The following GALNT17 variants were observed in gnomAD, a reference collection of about 807,000 sequenced individuals.
GALNT17 encodes polypeptide N-acetylgalactosaminyltransferase 17.
Under a neutral mutation model 63.7 loss-of-function variants are expected in GALNT17, and 29 were observed. The observed-to-expected ratio is 0.46, with a 90% confidence interval of 0.34 to 0.62. GALNT17 has a LOEUF of 0.62. Ranked by LOEUF, GALNT17 falls within the 20% of genes least tolerant of loss-of-function variation. The probability of loss-of-function intolerance (pLI) is 0.01; values close to 1 mark genes in which losing one functional copy is unlikely to be tolerated. For synonymous variants in GALNT17, 305 were observed against 318.3 expected, an observed-to-expected ratio of 0.96 and a Z score of 0.45; for missense variants, 603 against 799.6, an observed-to-expected ratio of 0.75 and a Z score of 2.97.
At chr7:71,436,725 A>T (rs1378950152) in intron 5 of GALNT17, among the ~76,000 whole-genome samples, 1 of 151,130 alleles carries the variant, frequency 6.6e-6, no homozygotes, top group Non-Finnish European at 1.5e-5. Context: ...TCTCAAAAAA[A>T]AAATAAAAAA....
chr7:71,670,096 T>A lies in GALNT17; in HGVS notation c.1391T>A (p.Val464Asp). The A allele has an allele frequency of 6.2e-7, 1 of 1,614,086 alleles. No homozygotes were observed. Among genetic ancestry groups the A allele is most frequent in the Non-Finnish European group, 8.5e-7 (1 of 1,179,980 alleles). The change falls in exon 8 of 11, where the codon GTT (valine) becomes GAT (aspartate). Residue 464 changes from valine to aspartate, a missense_variant. By Grantham distance (152) the Val-to-Asp change is radical (BLOSUM62 -3). Coordinates refer to ENST00000333538, the MANE Select transcript of GALNT17 (RefSeq NM_022479.3). ...YPEMRRYNNT[V>D]AYGELRNNKA... ...GAAATGAGAAGATACAATAATACCG[T>A]TGCTTACGGGGAGGTAATTCAGACC...
intron 6 of GALNT17, among the ~76,000 whole-genome samples, chr7:71,584,169 T>C (rs150190971): frequency 6.6e-6 from 1 of 152,200 alleles, no homozygotes; most frequent in Non-Finnish European, 1.5e-5. Flanking sequence ...TTCTTAGAGT[T>C]TCTTAAATTC....
intron 6 of GALNT17, among the ~76,000 whole-genome samples, chr7:71,585,515 C>T (rs1789702250): frequency 6.6e-6 from 1 of 152,116 alleles, no homozygotes; most frequent in African/African-American, 2.4e-5. Context: ...AGGATAAATG[C>T]TTGATTTCTT....
intron 7 of GALNT17, among the ~76,000 whole-genome samples, chr7:71,665,928 T>C (rs1036319870): frequency 6.6e-6 from 1 of 152,108 alleles, no homozygotes; most frequent in Non-Finnish European, 1.5e-5. Context: ...CAGCAGACTC[T>C]TCATCCTGCC....
intron 6 of GALNT17, among the ~76,000 whole-genome samples, chr7:71,642,663 C>G (rs1348906829): frequency 6.6e-6 from 1 of 152,046 alleles, no homozygotes; most frequent in Non-Finnish European, 1.5e-5. Flanking sequence ...TGGTGAAATC[C>G]CGTCTCTACT....
rs371907289 is a variant in GALNT17, at chr7:71,507,920, A to G, written c.963-63365A>G. ...TTTGTTAAGCTTGTGTGACAGAATA[A>G]TCTCCTTTGTTCAATGCCCGAGGAG... On this transcript the variant is annotated intron_variant, in intron 5 of 10. Coordinates refer to ENST00000333538, the MANE Select transcript of GALNT17 (RefSeq NM_022479.3). 2.2e-4 allele frequency among the ~76,000 whole-genome samples: 33 copies of G among 152,322 alleles called. No homozygotes were observed. In the South Asian group the frequency reaches 6.8e-3, roughly 32 times the overall value.
intron 5 of GALNT17, among the ~76,000 whole-genome samples, chr7:71,510,312 AT>A (rs1342809342): frequency 6.6e-6 from 1 of 152,150 alleles, no homozygotes; most frequent in African/African-American, 2.4e-5. Context: ...AACACAATCC[AT>A]TTTAGACCAT....
chr7:71,240,676 C>CTTTT lies in GALNT17; in HGVS notation c.239-94869_239-94866dup, dbSNP rs1562940440. 1.4e-4 allele frequency among the ~76,000 whole-genome samples: 19 copies of CTTTT among 137,300 alleles called. 2 individuals carry two copies. The highest frequency in any genetic ancestry group is 3.1e-4 in the African/African-American group (11 of 35,776). 90.1% of individuals were successfully genotyped at this position (137,300 alleles called of 152,430 possible). A position where few individuals can be genotyped will look rare whatever the true frequency, so the allele number is the denominator to read the frequency against. The stretch of plus-strand genomic sequence containing the variant: ...CCATATTTTCTTTTTTCTTTTTTTC[C>CTTTT]TTTTTTTTGAGATGGAGTCTCGCTG... On this transcript the variant is annotated intron_variant, in intron 1 of 10. Transcript: ENST00000333538.
intron 5 of GALNT17, among the ~76,000 whole-genome samples, chr7:71,448,135 C>G (rs1211145976): frequency 1.3e-5 from 2 of 152,212 alleles, no homozygotes; most frequent in African/African-American, 4.8e-5. Context: ...CCATTGTCTT[C>G]TTACTTCCAA....
In GALNT17 at chr7:71,394,518, A is replaced by G. The variant is rs556882632; in HGVS notation, c.589+6117A>G. On this transcript the variant is annotated intron_variant, in intron 3 of 10. Transcript: ENST00000333538. ...ACTTTATGTGTTCTGACAGTTTCCC[A>G]TTGGAATTGTCCAATAGGATCTACC... Among the ~76,000 whole-genome samples the G allele has an allele frequency of 8.5e-5, 13 of 152,284 alleles. 1 individual carries two copies. The highest frequency in any genetic ancestry group is 3.4e-3 in the Middle Eastern group (1 of 294).
In GALNT17 at chr7:71,132,670, A is replaced by G; in HGVS notation, c.-133A>G. On this transcript the variant is annotated 5_prime_UTR_variant, in exon 1 of 11. Transcript: ENST00000333538. The stretch of plus-strand genomic sequence containing the variant: ...CGTCTCCGCCGCCCGAGCATCCTTG[A>G]GGTGGGACGAGCAGGGGCTTGGATC... 1.4e-6 allele frequency: 1 copy of G among 706,750 alleles called. No homozygotes were observed. Among genetic ancestry groups the G allele is most frequent in the South Asian group, 2.0e-5 (1 of 50,566 alleles). The allele number at this position is 706,750 out of a possible 1,614,324, so 43.8% of individuals were successfully genotyped here.
chr7:71,296,334 G>A (rs555933821), intron 1 of GALNT17, among the ~76,000 whole-genome samples: 86 of 152,112 alleles, frequency 5.7e-4, no homozygotes, highest in African/African-American at 1.9e-3. Flanking sequence ...TGTATTATTG[G>A]CCTTTGCAGT....
At chr7:71,397,639 T>C (rs931210036) in intron 3 of GALNT17, among the ~76,000 whole-genome samples, 1 of 152,210 alleles carries the variant, frequency 6.6e-6, no homozygotes. Context: ...TGCCCTGTTA[T>C]GGAGGTTGGC....
chr7:71,231,778 G>C (rs1423656648), intron 1 of GALNT17, among the ~76,000 whole-genome samples: 1 of 151,536 alleles, frequency 6.6e-6, no homozygotes, highest in Non-Finnish European at 1.5e-5. Flanking sequence ...GAGGGAGAGA[G>C]AGAGCGCTTT....
chr7:71,181,277 T>C (rs888213020), intron 1 of GALNT17, among the ~76,000 whole-genome samples: 2 of 148,348 alleles, frequency 1.3e-5, no homozygotes, highest in Admixed American at 6.7e-5. Flanking sequence ...AAGTAATGGC[T>C]TAAAACCGCA....
chr7:71,678,373 C>T (rs566950173), intron 9 of GALNT17, among the ~76,000 whole-genome samples: 1 of 151,778 alleles, frequency 6.6e-6, no homozygotes, highest in South Asian at 2.1e-4. Flanking sequence ...TGATCCACCA[C>T]CTCGGCCTCC....
chr7:71,562,128 T>A (rs899953656), intron 5 of GALNT17, among the ~76,000 whole-genome samples: 23 of 152,142 alleles, frequency 1.5e-4, no homozygotes, highest in South Asian at 4.2e-4. Flanking sequence ...GTTATTTTTT[T>A]AAAAAATTAT....
intron 1 of GALNT17, among the ~76,000 whole-genome samples, chr7:71,197,073 A>G (rs1256080338): frequency 6.6e-6 from 1 of 152,136 alleles, no homozygotes; most frequent in Non-Finnish European, 1.5e-5. Context: ...CATCATGGAA[A>G]ATGGGGTATC....
intron 5 of GALNT17, among the ~76,000 whole-genome samples, chr7:71,559,397 A>T (rs1032590035): frequency 1.3e-5 from 2 of 152,140 alleles, no homozygotes; most frequent in African/African-American, 4.8e-5. Context: ...CTGGTCTGGG[A>T]GGCAGTTGGG....
Sources: gnomAD v4.1 joint callset for allele counts (sites outside exome capture counted in the v4.1 genomes callset) on GRCh38, gnomAD v4.1.1 for gene constraint, MANE v1.5 for transcripts, NCBI Gene and HGNC (gene_info 2026-07-23, HGNC 2026-07-21) for gene names.